Variants in TINAG observed in about 807,000 individuals in gnomAD.
TINAG encodes the protein tubulointerstitial nephritis antigen.
In TINAG, 83 loss-of-function variants were observed where a neutral mutation model predicts 72.7. That is an observed-to-expected ratio of 1.14 (90% CI 0.96 to 1.37). TINAG has a LOEUF of 1.37. Among genes scored for constraint, TINAG ranks in the 40% most tolerant of loss-of-function variants. The probability of loss-of-function intolerance (pLI) is 0.00; values close to 1 mark genes in which losing one functional copy is unlikely to be tolerated. For missense variants in TINAG, 685 were observed against 576.6 expected (o/e 1.19, Z -1.93); for synonymous variants, 234 against 189.9 (o/e 1.23, Z -1.91).
intron 4 of TINAG, among the ~76,000 whole-genome samples, chr6:54,327,510 C>T (rs1407354116): frequency 6.6e-6 from 1 of 152,166 alleles, no homozygotes; most frequent in Non-Finnish European, 1.5e-5. Flanking sequence ...GGGTTTCAAG[C>T]ACAAAACTGG....
chr6:54,382,567 A>G (rs1763983677), intron 10 of TINAG, among the ~76,000 whole-genome samples: 1 of 152,140 alleles, frequency 6.6e-6, no homozygotes. Context: ...CTGAGATATT[A>G]TCCCACAGAT....
chr6:54,309,035 A>G, intron 1 of TINAG, 130 bp downstream of exon 1: 1 of 922,814 alleles, frequency 1.1e-6, no homozygotes, highest in Non-Finnish European at 1.6e-6. Context: ...TGATTGAGAA[A>G]ATACATTTCT....
intron 5 of TINAG, among the ~76,000 whole-genome samples, chr6:54,345,946 T>A (rs983787276): frequency 6.8e-6 from 1 of 147,532 alleles, no homozygotes; most frequent in African/African-American, 2.7e-5. Context: ...AGAAAAAAAA[T>A]AAACTTTCAC....
intron 2 of TINAG, among the ~76,000 whole-genome samples, 193 bp downstream of exon 2, chr6:54,320,835 T>C (rs1313580090): frequency 6.6e-6 from 1 of 152,206 alleles, no homozygotes; most frequent in Non-Finnish European, 1.5e-5. Context: ...TAATCATGAA[T>C]ATCTTTTAAT....
At position 54,390,018 on chromosome 6, in the gene TINAG, G is replaced by T. The variant is rs1764204271; in HGVS notation, c.*93G>T. 1 of 1,498,098 alleles carries T rather than the reference G, an allele frequency of 6.7e-7. No homozygotes were observed. Among genetic ancestry groups the T allele is most frequent in the Non-Finnish European group, 9.1e-7 (1 of 1,104,050 alleles). 92.8% of individuals were successfully genotyped at this position (1,498,098 alleles called of 1,614,324 possible). On this transcript the variant is annotated 3_prime_UTR_variant, in exon 11 of 11. Coordinates refer to ENST00000259782, the MANE Select transcript of TINAG (RefSeq NM_014464.4). ...CATTCTTGGTGACAGTGGAATCTTT[G>T]TCTCTTCACCGTGTTAACATAATCT...
At chr6:54,353,220 A>G (rs990441653) in intron 8 of TINAG, among the ~76,000 whole-genome samples, 32 of 151,976 alleles carry the variant, frequency 2.1e-4, no homozygotes, top group South Asian at 4.1e-4. Flanking sequence ...AATACATTTT[A>G]TTTATGATGC....
rs536499572 is a variant in TINAG at position 54,342,592 on chromosome 6, A to T, written c.625-634A>T. The stretch of plus-strand genomic sequence containing the variant: ...ACCATGTTGGCCAGGCTGGTCTCGA[A>T]CTCCTGACCTTGTGATCCACCCGCC... On this transcript the variant is annotated intron_variant, in intron 4 of 10. Transcript: ENST00000259782. Among the ~76,000 whole-genome samples the T allele has an allele frequency of 9.2e-5, 14 of 151,554 alleles. No homozygotes were observed. The South Asian group carries it at 2.9e-3, about 32-fold the overall frequency.
chr6:54,324,447 T>G (rs749159275), intron 3 of TINAG, among the ~76,000 whole-genome samples: 21 of 152,178 alleles, frequency 1.4e-4, no homozygotes, highest in Non-Finnish European at 1.8e-4. Flanking sequence ...CCCTTAAAGC[T>G]TATGCTTGAA....
chr6:54,355,544 T>C (rs983357580), intron 9 of TINAG, among the ~76,000 whole-genome samples: 1 of 152,094 alleles, frequency 6.6e-6, no homozygotes, highest in East Asian at 1.9e-4. Context: ...TTATTTTAAA[T>C]ACTCTAATAT....
In TINAG at chr6:54,320,641, T is replaced by C. The variant is rs771639773; in HGVS notation, c.418T>C (p.Cys140Arg). 7 of 1,607,550 alleles carry C rather than the reference T, an allele frequency of 4.4e-6. No individual in the cohort carries two copies. The highest frequency in any genetic ancestry group is 3.4e-5 in the Admixed American group (2 of 59,664). Residue 140 changes from cysteine to arginine, a missense_variant and splice_region_variant, in exon 2 of 11, where the codon TGC (cysteine) becomes CGC (arginine). Cys to Arg is a radical substitution (Grantham distance 180). Coordinates refer to ENST00000259782, the MANE Select transcript of TINAG (RefSeq NM_014464.4). ...AGTAATTAAAGAAAACTGCAACTCC[T>C]GGTAATAAATTTAAGTGGCACAGAA... ...GSVIKENCNS[C>R]TCSGQQWKCS...
chr6:54,347,628 A>T, intron 6 of TINAG, 111 bp downstream of exon 6: 1 of 1,050,194 alleles, frequency 9.5e-7, no homozygotes, highest in South Asian at 1.8e-5. Flanking sequence ...AAATATATAT[A>T]CTACATCTAC....
chr6:54,308,140 C>A (rs1021352788), upstream of TINAG: 7 of 1,546,508 alleles, frequency 4.5e-6, no homozygotes, highest in Non-Finnish European at 6.1e-6. Flanking sequence ...GAATTTCCTG[C>A]ACCTTGCCAG....
At chr6:54,366,289 A>G (rs1057493393) in intron 9 of TINAG, among the ~76,000 whole-genome samples, 5 of 151,300 alleles carry the variant, frequency 3.3e-5, no homozygotes, top group South Asian at 2.1e-4. Flanking sequence ...AAAAGGAAAG[A>G]TACAGTGTCA....
At chr6:54,342,765 G>A (rs1245409540) in intron 4 of TINAG, among the ~76,000 whole-genome samples, 1 of 151,904 alleles carries the variant, frequency 6.6e-6, no homozygotes, top group African/African-American at 2.4e-5. Flanking sequence ...GTGTTCCTTG[G>A]GGCTCTATAC....
At chr6:54,313,030 G>T (rs756931509) in intron 1 of TINAG, among the ~76,000 whole-genome samples, 64 of 152,084 alleles carry the variant, frequency 4.2e-4, no homozygotes, top group Admixed American at 5.2e-4. Flanking sequence ...ACTATTGCAG[G>T]TATTTTGGGA....
chr6:54,334,197 T>C lies in TINAG; in HGVS notation c.624+7281T>C, dbSNP rs1784808958. Among the ~76,000 whole-genome samples, 3 of 152,326 alleles carry C rather than the reference T, an allele frequency of 2.0e-5. No individual in the cohort carries two copies. The South Asian group carries it at 6.2e-4, about 32-fold the overall frequency. On this transcript the variant is annotated intron_variant, in intron 4 of 10. Transcript: ENST00000259782. ...TGAGATATTGATTGTATTCAAGGCC[T>C]GTTATGAATGCCCGGGGCAGAGTGG...
At chr6:54,315,713 A>C (rs902497049) in intron 1 of TINAG, among the ~76,000 whole-genome samples, 1 of 151,894 alleles carries the variant, frequency 6.6e-6, no homozygotes, top group African/African-American at 2.4e-5. Context: ...CAAATGTCAG[A>C]TATGGAGAAC....
At chr6:54,349,581 C>G (rs1785210799) in intron 6 of TINAG, 135 bp from the exon 7 acceptor site, 3 of 656,838 alleles carry the variant, frequency 4.6e-6, no homozygotes, top group Non-Finnish European at 4.7e-6. Flanking sequence ...GTTGGAGTCA[C>G]TCACTATTTT....
rs567644044 is a variant in TINAG at position 54,384,742 on chromosome 6, G to A, written c.1296+4171G>A. Among the ~76,000 whole-genome samples the A allele has an allele frequency of 9.2e-4, 140 of 151,932 alleles. 1 individual carries two copies. The highest frequency in any genetic ancestry group is 3.3e-3 in the African/African-American group (137 of 41,432). On this transcript the variant is annotated intron_variant, in intron 10 of 10. Coordinates refer to ENST00000259782, the MANE Select transcript of TINAG (RefSeq NM_014464.4). ...CACCAAAAGTTACAGAAAAAAAGTA[G>A]GCAAATATTTAAACATATCTCAGTA... is the stretch of plus-strand genomic sequence containing the variant.
Sources: gnomAD v4.1 joint callset for allele counts (sites outside exome capture counted in the v4.1 genomes callset) on GRCh38, gnomAD v4.1.1 for gene constraint, MANE v1.5 for transcripts, NCBI Gene and HGNC (gene_info 2026-07-23, HGNC 2026-07-21) for gene names.